Variants in CDYL2 observed in about 807,000 individuals in gnomAD.
CDYL2 encodes the protein chromodomain Y like 2.
In CDYL2, 23 loss-of-function variants were observed where a neutral mutation model predicts 49.4. The ratio of observed to expected loss-of-function variants is 0.47; its 90% confidence interval spans 0.34 to 0.66. The LOEUF is 0.66. Ranked by LOEUF, CDYL2 falls within the 30% of genes least tolerant of loss-of-function variation. CDYL2 has a pLI of 0.01. For missense variants in CDYL2, 678 were observed against 656.4 expected, an observed-to-expected ratio of 1.03 and a Z score of -0.36; for synonymous variants, 360 against 268.8, an observed-to-expected ratio of 1.34 and a Z score of -3.32.
At chr16:80,721,285 G>A (rs1435025917) in intron 1 of CDYL2, among the ~76,000 whole-genome samples, 3 of 152,180 alleles carry the variant, frequency 2.0e-5, no homozygotes, top group Non-Finnish European at 2.9e-5. Context: ...CTGAGGTGGT[G>A]ACTCATTCCC....
intron 1 of CDYL2, among the ~76,000 whole-genome samples, chr16:80,709,555 T>A (rs1048716628): frequency 8.3e-6 from 1 of 120,158 alleles, no homozygotes; most frequent in African/African-American, 4.0e-5. Flanking sequence ...CATGCAGGAA[T>A]AAACAGACAC....
intron 1 of CDYL2, among the ~76,000 whole-genome samples, chr16:80,761,996 G>A (rs1350909089): frequency 6.6e-6 from 1 of 151,646 alleles, no homozygotes; most frequent in African/African-American, 2.4e-5. Flanking sequence ...GACTAGCCCA[G>A]GCAACATGGC....
chr16:80,655,797 A>T (rs752269969), intron 2 of CDYL2, among the ~76,000 whole-genome samples: 1 of 152,180 alleles, frequency 6.6e-6, no homozygotes, highest in South Asian at 2.1e-4. Flanking sequence ...TCTCTCCAGG[A>T]GACGCAGGGG....
intron 1 of CDYL2, among the ~76,000 whole-genome samples, chr16:80,689,973 T>C (rs529254716): frequency 6.6e-6 from 1 of 151,568 alleles, no homozygotes; most frequent in Admixed American, 6.6e-5. Context: ...ATACAAAAAT[T>C]AGCTGGGCGT....
intron 2 of CDYL2, among the ~76,000 whole-genome samples, chr16:80,651,894 T>C (rs1908599674): frequency 6.6e-6 from 1 of 152,124 alleles, no homozygotes; most frequent in African/African-American, 2.4e-5. Context: ...TTGCAGATGG[T>C]GGGACTTAGG....
intron 1 of CDYL2, among the ~76,000 whole-genome samples, chr16:80,688,671 G>A (rs373180011): frequency 1.3e-4 from 20 of 152,250 alleles, no homozygotes; most frequent in African/African-American, 4.6e-4. Flanking sequence ...TTGATCTCCG[G>A]CATCTCTCAG....
intron 1 of CDYL2, among the ~76,000 whole-genome samples, chr16:80,740,744 T>C (rs1374330967): frequency 6.6e-6 from 1 of 151,848 alleles, no homozygotes; most frequent in Admixed American, 6.6e-5. Context: ...AAAAAGTCTA[T>C]TTATAAAGGC....
At chr16:80,763,155 T>C (rs148466090) in intron 1 of CDYL2, among the ~76,000 whole-genome samples, 1 of 149,976 alleles carries the variant, frequency 6.7e-6, no homozygotes, top group African/African-American at 2.5e-5. Context: ...ACCTAACTAA[T>C]CCTGTATTCC....
intron 2 of CDYL2, among the ~76,000 whole-genome samples, chr16:80,656,547 G>GGA (rs1908821249): frequency 6.6e-6 from 1 of 152,200 alleles, no homozygotes; most frequent in African/African-American, 2.4e-5. Flanking sequence ...CTGGAAAATA[G>GGA]GAAAGCCCCC....
At chr16:80,798,949 G>C (rs963276993) in intron 1 of CDYL2, among the ~76,000 whole-genome samples, 1 of 151,908 alleles carries the variant, frequency 6.6e-6, no homozygotes, top group Non-Finnish European at 1.5e-5. Context: ...AAATTAAACT[G>C]TCATTTAAAA....
chr16:80,641,689 T>C (rs1043138280), intron 2 of CDYL2, among the ~76,000 whole-genome samples: 46 of 136,266 alleles, frequency 3.4e-4, no homozygotes, highest in Admixed American at 5.1e-4. Flanking sequence ...TAGGAGGTAA[T>C]TGAACAATGA....
chr16:80,628,027 T>C (rs12933466), intron 3 of CDYL2: 18,016 of 152,320 alleles, frequency 0.12, 1,395 homozygotes, highest in South Asian at 0.22. Flanking sequence ...ACTTCATCTG[T>C]ACCTGCTGAA....
At chr16:80,670,349 A>T (rs928528812) in intron 2 of CDYL2, among the ~76,000 whole-genome samples, 3 of 152,028 alleles carry the variant, frequency 2.0e-5, no homozygotes, top group Non-Finnish European at 4.4e-5. Context: ...ATGAGATCTG[A>T]TGGTTTTATA....
intron 1 of CDYL2, among the ~76,000 whole-genome samples, chr16:80,781,165 C>T (rs1907254748): frequency 6.6e-6 from 1 of 152,164 alleles, no homozygotes; most frequent in Non-Finnish European, 1.5e-5. Context: ...ATACACATCA[C>T]ATCAGAAAAC....
chr16:80,672,892 T>C (rs144823875), intron 2 of CDYL2, among the ~76,000 whole-genome samples: 6 of 152,348 alleles, frequency 3.9e-5, no homozygotes, highest in Admixed American at 6.5e-5. Flanking sequence ...CAGCAGCTCA[T>C]TGGGCACTAG....
At chr16:80,755,262 T>C (rs1906271143) in intron 1 of CDYL2, among the ~76,000 whole-genome samples, 1 of 152,212 alleles carries the variant, frequency 6.6e-6, no homozygotes, top group African/African-American at 2.4e-5. Context: ...GGAGGAAACC[T>C]GAATCTTAGC....
At chr16:80,615,838 G>A (rs182322483) in intron 4 of CDYL2, among the ~76,000 whole-genome samples, 27 of 152,238 alleles carry the variant, frequency 1.8e-4, no homozygotes, top group East Asian at 1.9e-4. Context: ...AATGTCACCC[G>A]ATGTTTAATG....
intron 5 of CDYL2, among the ~76,000 whole-genome samples, chr16:80,609,182 T>C (rs888314677): frequency 6.6e-6 from 1 of 152,158 alleles, no homozygotes; most frequent in Non-Finnish European, 1.5e-5. Flanking sequence ...GCTATATAGA[T>C]AAAGTCCTGC....
intron 1 of CDYL2, among the ~76,000 whole-genome samples, chr16:80,745,897 T>C (rs1905912065): frequency 6.6e-6 from 1 of 152,170 alleles, no homozygotes; most frequent in East Asian, 1.9e-4. Context: ...GTGACACCAC[T>C]GGTTCACCCA....
Sources: allele counts gnomAD v4.1 joint callset (sites outside exome capture counted in the v4.1 genomes callset), GRCh38; gene constraint gnomAD v4.1.1; transcripts MANE v1.5; gene names NCBI Gene and HGNC (gene_info 2026-07-23, HGNC 2026-07-21).